JPH1: variants seen among roughly 807,000 people sequenced by gnomAD.
JPH1 encodes junctophilin 1, also known as junctophilin-1.
Under a neutral mutation model 53.6 loss-of-function variants are expected in JPH1, and 12 were observed. The observed-to-expected ratio is 0.22, with a 90% CI of 0.14 to 0.36. JPH1 has a LOEUF of 0.36. Ranked by LOEUF, JPH1 falls within the 10% of genes least tolerant of loss-of-function variation. The probability of loss-of-function intolerance (pLI) is 1.00; values close to 1 mark genes in which losing one functional copy is unlikely to be tolerated. For synonymous variants in JPH1, 375 were observed against 363.8 expected, an observed-to-expected ratio of 1.03 and a Z score of -0.35; for missense variants, 808 against 905.5, an observed-to-expected ratio of 0.89 and a Z score of 1.38.
At chr8:74,309,362 C>T (rs1464957551) in intron 2 of JPH1, among the ~76,000 whole-genome samples, 2 of 152,204 alleles carry the variant, frequency 1.3e-5, no homozygotes, top group Admixed American at 6.5e-5. Context: ...AAAGTCAATA[C>T]AAGCAAAGGC....
chr8:74,301,833 C>A (rs1342051663), intron 2 of JPH1, among the ~76,000 whole-genome samples: 8 of 152,142 alleles, frequency 5.3e-5, no homozygotes, highest in Non-Finnish European at 1.0e-4. Flanking sequence ...GTTGAATGAA[C>A]AATGTCTGTT....
rs539479470 is a variant in JPH1, at chr8:74,293,777, G to T, written c.1139+21084C>A. On this transcript the variant is annotated intron_variant, in intron 2 of 5. Transcript: ENST00000342232. ...AGGACCAGACTGACCATAAAGAGGG[G>T]AGGGCACTTTATCAGAGCTGAAACT... Among the ~76,000 whole-genome samples the T allele has an allele frequency of 2.0e-5, 3 of 152,292 alleles. No individual in the cohort carries two copies. In the East Asian group the frequency reaches 5.8e-4, roughly 29 times the overall value.
intron 4 of JPH1, 141 bp downstream of exon 4, chr8:74,244,388 G>T: frequency 1.2e-6 from 1 of 846,658 alleles, no homozygotes; most frequent in Non-Finnish European, 1.8e-6. Context: ...CTACCAATGT[G>T]TTATGTGCTG....
chr8:74,312,133 G>C (rs994921579), intron 2 of JPH1, among the ~76,000 whole-genome samples: 2 of 152,194 alleles, frequency 1.3e-5, no homozygotes, highest in Non-Finnish European at 2.9e-5. Context: ...GTGAAGGTAA[G>C]TAAAATATAG....
intron 2 of JPH1, among the ~76,000 whole-genome samples, chr8:74,282,144 T>C (rs1807032061): frequency 6.6e-6 from 1 of 152,116 alleles, no homozygotes; most frequent in Admixed American, 6.6e-5. Context: ...ATCAGGGAAG[T>C]TAATTTACTT....
chr8:74,245,189 A>AT lies in JPH1; in HGVS notation c.1259-15_1259-14insA, dbSNP rs1326267917. ...CGTAATCAGGGCCTGGCCAAAAAAA[A>AT]AAGAAAAAAGAAAAAAAGAAAGGAG... On this transcript the variant is annotated splice_polypyrimidine_tract_variant and intron_variant, in intron 3 of 5. Transcript: ENST00000342232. 6 of 1,545,030 alleles carry AT rather than the reference A, an allele frequency of 3.9e-6. No individual in the cohort carries two copies. Among genetic ancestry groups the AT allele is most frequent in the Non-Finnish European group, 5.2e-6 (6 of 1,155,314 alleles).
At chr8:74,313,410 A>G (rs1808051245) in intron 2 of JPH1, among the ~76,000 whole-genome samples, 2 of 152,180 alleles carry the variant, frequency 1.3e-5, no homozygotes, top group African/African-American at 2.4e-5. Flanking sequence ...TCAACAAAAA[A>G]TAATAGCTTT....
At chr8:74,301,078 T>C (rs1444792100) in intron 2 of JPH1, among the ~76,000 whole-genome samples, 1 of 152,174 alleles carries the variant, frequency 6.6e-6, no homozygotes, top group African/African-American at 2.4e-5. Context: ...CCACACAACA[T>C]CTCAGACTTG....
intron 3 of JPH1, among the ~76,000 whole-genome samples, chr8:74,258,876 C>T (rs1281238069): frequency 2.6e-5 from 4 of 152,204 alleles, no homozygotes; most frequent in Middle Eastern, 3.2e-3. Context: ...AGGGCTAACA[C>T]TCAGACCTCG....
chr8:74,284,616 G>A (rs2131423498), intron 2 of JPH1, among the ~76,000 whole-genome samples: 1 of 152,146 alleles, frequency 6.6e-6, no homozygotes, highest in East Asian at 1.9e-4. Context: ...TAAAGATAAT[G>A]ATATTATAAA....
At chr8:74,247,734 A>G (rs1229080111) in intron 3 of JPH1, among the ~76,000 whole-genome samples, 2 of 152,166 alleles carry the variant, frequency 1.3e-5, no homozygotes, top group Non-Finnish European at 2.9e-5. Context: ...TAGGATTTAA[A>G]TCTTTGTGAT....
chr8:74,238,689 G>A (rs1805611916), intron 4 of JPH1, among the ~76,000 whole-genome samples: 2 of 152,132 alleles, frequency 1.3e-5, no homozygotes, highest in Admixed American at 1.3e-4. Context: ...ACAGGCTCTT[G>A]CTCTGTCACC....
At chr8:74,288,125 T>G (rs1807221942) in intron 2 of JPH1, among the ~76,000 whole-genome samples, 1 of 152,192 alleles carries the variant, frequency 6.6e-6, no homozygotes. Flanking sequence ...CAATATTGTC[T>G]AATAAGTATT....
At chr8:74,245,968 G>A (rs1164634093) in intron 3 of JPH1, among the ~76,000 whole-genome samples, 1 of 151,354 alleles carries the variant, frequency 6.6e-6, no homozygotes, top group African/African-American at 2.4e-5. Context: ...CAGGGAGTGA[G>A]CTATAAAGAA....
chr8:74,278,181 G>A lies in JPH1; in HGVS notation c.1140-18678C>T, dbSNP rs976850147. The stretch of plus-strand genomic sequence containing the variant: ...GGCAGGTTTTTCTCATGCTGTTCTC[G>A]TGATAGTGAGTAAGTCTCATGAGAT... On this transcript the variant is annotated intron_variant, in intron 2 of 5. Coordinates refer to ENST00000342232, the MANE Select transcript of JPH1 (RefSeq NM_020647.4). Among the ~76,000 whole-genome samples the A allele has an allele frequency of 3.9e-5, 6 of 152,268 alleles. No homozygotes were observed. The South Asian group carries it at 6.2e-4, about 16-fold the overall frequency.
At chr8:74,283,886 C>T (rs779158116) in intron 2 of JPH1, among the ~76,000 whole-genome samples, 8 of 151,336 alleles carry the variant, frequency 5.3e-5, no homozygotes, top group Non-Finnish European at 8.8e-5. Flanking sequence ...AATATAAACA[C>T]CACAGAGCAA....
chr8:74,263,213 G>A (rs538579632), intron 2 of JPH1, among the ~76,000 whole-genome samples: 1 of 152,224 alleles, frequency 6.6e-6, no homozygotes, highest in Non-Finnish European at 1.5e-5. Context: ...ATCTAGAATG[G>A]AGAACAAGTC....
At chr8:74,237,751 C>T (rs1807042812) in intron 4 of JPH1, among the ~76,000 whole-genome samples, 1 of 152,184 alleles carries the variant, frequency 6.6e-6, no homozygotes, top group Non-Finnish European at 1.5e-5. Context: ...AGGAACAATT[C>T]AGGGAAAACT....
chr8:74,319,963 A>G (rs1428949861), intron 1 of JPH1, among the ~76,000 whole-genome samples: 1 of 152,228 alleles, frequency 6.6e-6, no homozygotes, highest in Non-Finnish European at 1.5e-5. Flanking sequence ...CCTGGTATAT[A>G]CACAATCTCT....
Sources: allele counts gnomAD v4.1 joint callset (sites outside exome capture counted in the v4.1 genomes callset), GRCh38; gene constraint gnomAD v4.1.1; transcripts MANE v1.5; gene names NCBI Gene and HGNC (gene_info 2026-07-23, HGNC 2026-07-21).